Variants in SDK1 observed in about 807,000 individuals in gnomAD.
SDK1 encodes the protein protein sidekick-1.
SDK1 carries 157 observed loss-of-function variants against 245.5 expected under a neutral mutation model. That is an observed-to-expected ratio of 0.64 (90% CI 0.56 to 0.73). The LOEUF is 0.73. Among genes scored for constraint, SDK1 ranks in the 30% least tolerant of loss-of-function variants. The probability of loss-of-function intolerance (pLI) is 0.00; values close to 1 mark genes in which losing one functional copy is unlikely to be tolerated. For synonymous variants in SDK1, 1,647 were observed against 1,278.5 expected (o/e 1.29, Z -6.15); for missense variants, 3,583 against 3,002.3 (o/e 1.19, Z -4.52).
intron 28 of SDK1, among the ~76,000 whole-genome samples, chr7:4,144,535 C>G (rs1012140373): frequency 2.6e-5 from 4 of 151,742 alleles, no homozygotes; most frequent in Admixed American, 6.6e-5. Context: ...ATTGTCCTCC[C>G]ACCTCCCAGA....
At chr7:4,146,431 T>G (rs56747705) in intron 29 of SDK1, among the ~76,000 whole-genome samples, 6,153 of 148,902 alleles carry the variant, frequency 0.041, 34 homozygotes, top group African/African-American at 0.11. Context: ...ACACCTGCTC[T>G]CAGACATGTG....
intron 1 of SDK1, among the ~76,000 whole-genome samples, chr7:3,557,825 A>G (rs10264275): frequency 0.24 from 37,046 of 152,016 alleles, 4,737 homozygotes; most frequent in East Asian, 0.36. Context: ...ATGACTCCAG[A>G]GACCTTGTTC....
At chr7:3,867,279 T>C (rs1562501072) in intron 5 of SDK1, among the ~76,000 whole-genome samples, 1 of 152,160 alleles carries the variant, frequency 6.6e-6, no homozygotes, top group Non-Finnish European at 1.5e-5. Flanking sequence ...GAGTGGACTC[T>C]TCATTGAAAG....
intron 1 of SDK1, among the ~76,000 whole-genome samples, chr7:3,454,424 G>GTGTGTGTGCA (rs1554273966): frequency 8.3e-6 from 1 of 120,218 alleles, no homozygotes; most frequent in Admixed American, 7.7e-5. Context: ...GTGTGTGTGT[G>GTGTGTGTGCA]CTGTGTACAT....
At chr7:3,367,428 AG>A (rs1781120598) in intron 1 of SDK1, among the ~76,000 whole-genome samples, 1 of 152,232 alleles carries the variant, frequency 6.6e-6, no homozygotes, top group Non-Finnish European at 1.5e-5. Flanking sequence ...CAACTGTCAC[AG>A]GGCATCATTC....
chr7:3,433,603 T>C (rs1779930577), intron 1 of SDK1, among the ~76,000 whole-genome samples: 1 of 152,214 alleles, frequency 6.6e-6, no homozygotes, highest in Non-Finnish European at 1.5e-5. Flanking sequence ...AGTGAATTGC[T>C]ACATTAAAGA....
At chr7:4,136,942 G>A (rs369894703) in intron 28 of SDK1, among the ~76,000 whole-genome samples, 37 of 152,330 alleles carry the variant, frequency 2.4e-4, no homozygotes, top group African/African-American at 8.7e-4. Flanking sequence ...CAGCGTGGGC[G>A]TCCTGGGGCG....
intron 1 of SDK1, among the ~76,000 whole-genome samples, chr7:3,491,343 C>T (rs1441867046): frequency 6.6e-6 from 1 of 152,208 alleles, no homozygotes; most frequent in African/African-American, 2.4e-5. Flanking sequence ...ATCAGAGCAT[C>T]TGGGGGTGGA....
At position 4,190,511 on chromosome 7, in the gene SDK1, C is replaced by T. The variant is rs376393543; in HGVS notation, c.5098+11925C>T. Among the ~76,000 whole-genome samples the T allele has an allele frequency of 8.1e-4, 123 of 152,348 alleles. 1 individual carries two copies. Among genetic ancestry groups the T allele is most frequent in the African/African-American group, 2.5e-3 (106 of 41,576 alleles). On this transcript the variant is annotated intron_variant, in intron 35 of 44. Coordinates refer to ENST00000404826, the MANE Select transcript of SDK1 (RefSeq NM_152744.4). ...CTATCCCACCCTCTGGGCTCCAGCT[C>T]GTGTTGTTTCAGACGTTCCCTTCAG... is the stretch of plus-strand genomic sequence containing the variant.
At chr7:3,866,971 A>T (rs944350003) in intron 5 of SDK1, among the ~76,000 whole-genome samples, 9 of 152,166 alleles carry the variant, frequency 5.9e-5, no homozygotes, top group Non-Finnish European at 1.2e-4. Flanking sequence ...GAAATGCACC[A>T]GCTCTGCCAT....
chr7:3,533,885 T>TA (rs1045205091), intron 1 of SDK1, among the ~76,000 whole-genome samples: 4 of 152,140 alleles, frequency 2.6e-5, no homozygotes, highest in South Asian at 2.1e-4. Flanking sequence ...TTCCATTTAT[T>TA]AAAAAAACTG....
chr7:4,235,309 A>G (rs1274258182), intron 41 of SDK1, among the ~76,000 whole-genome samples: 1 of 152,140 alleles, frequency 6.6e-6, no homozygotes, highest in African/African-American at 2.4e-5. Flanking sequence ...GATTACAAGC[A>G]TGTGCCACCA....
At chr7:3,864,673 G>A (rs1562499229) in intron 5 of SDK1, among the ~76,000 whole-genome samples, 1 of 152,104 alleles carries the variant, frequency 6.6e-6, no homozygotes, top group Non-Finnish European at 1.5e-5. Context: ...GGATGTGAGG[G>A]GCAGAGTTGG....
intron 4 of SDK1, among the ~76,000 whole-genome samples, chr7:3,691,330 G>A (rs141900956): frequency 1.3e-5 from 2 of 152,244 alleles, no homozygotes; most frequent in Admixed American, 1.3e-4. Context: ...GCTCTTACTC[G>A]AAGTACAAGA....
At chr7:3,910,314 T>C (rs1779119998) in intron 5 of SDK1, among the ~76,000 whole-genome samples, 1 of 152,190 alleles carries the variant, frequency 6.6e-6, no homozygotes, top group African/African-American at 2.4e-5. Context: ...CTGTTCAAAA[T>C]TGTCTCTTGT....
At chr7:3,646,680 A>G (rs1212407747) in intron 4 of SDK1, among the ~76,000 whole-genome samples, 1 of 152,138 alleles carries the variant, frequency 6.6e-6, no homozygotes, top group East Asian at 1.9e-4. Context: ...TATTTTTTCC[A>G]TACATTGCTC....
chr7:3,631,504 A>T (rs1357670676), intron 2 of SDK1, among the ~76,000 whole-genome samples: 2 of 152,132 alleles, frequency 1.3e-5, no homozygotes, highest in Non-Finnish European at 2.9e-5. Flanking sequence ...TCCTCTATGA[A>T]TTGCCTAGCT....
intron 4 of SDK1, among the ~76,000 whole-genome samples, chr7:3,681,554 T>C (rs1224438418): frequency 6.6e-6 from 1 of 152,218 alleles, no homozygotes; most frequent in Non-Finnish European, 1.5e-5. Context: ...TTTTCTTAAC[T>C]GTCCATTTCT....
intron 4 of SDK1, among the ~76,000 whole-genome samples, chr7:3,745,919 C>T (rs760642492): frequency 6.6e-6 from 1 of 152,162 alleles, no homozygotes; most frequent in Non-Finnish European, 1.5e-5. Flanking sequence ...ACTCTGAAGC[C>T]TGCTATGTGG....
Sources: gnomAD v4.1 joint callset for allele counts (sites outside exome capture counted in the v4.1 genomes callset) on GRCh38, gnomAD v4.1.1 for gene constraint, MANE v1.5 for transcripts, NCBI Gene and HGNC (gene_info 2026-07-23, HGNC 2026-07-21) for gene names.